TRUB1: variants seen among roughly 807,000 people sequenced by gnomAD.
The protein encoded by TRUB1 is pseudouridylate synthase TRUB1.
A neutral mutation model predicts 33.9 loss-of-function variants in TRUB1; 23 were observed. The observed-to-expected ratio is 0.68, with a 90% CI of 0.49 to 0.96. TRUB1 has a LOEUF of 0.96. Among genes scored for constraint, TRUB1 ranks in the 40% least tolerant of loss-of-function variants. The pLI, the probability that TRUB1 is intolerant of heterozygous loss-of-function variation, is 0.00. For missense variants in TRUB1, 378 were observed against 422.2 expected, an observed-to-expected ratio of 0.90 and a Z score of 0.92; for synonymous variants, 163 against 165.4, an observed-to-expected ratio of 0.99 and a Z score of 0.11.
In TRUB1 at chr10:114,967,761, T is replaced by C. The variant is rs143472075; in HGVS notation, c.524-2607T>C. ...TTTGGAAGTACAGTCTTTATACTTA[T>C]GTCATAAGAACGATTATTATTAATT... On this transcript the variant is annotated intron_variant, in intron 4 of 7. Coordinates refer to ENST00000298746, the MANE Select transcript of TRUB1 (RefSeq NM_139169.5). 9.8e-5 allele frequency among the ~76,000 whole-genome samples: 15 copies of C among 152,326 alleles called. No homozygotes were observed. The East Asian group carries it at 2.5e-3, about 25-fold the overall frequency.
chr10:114,967,103 C>T (rs1301777250), intron 4 of TRUB1, among the ~76,000 whole-genome samples: 8 of 152,280 alleles, frequency 5.3e-5, no homozygotes, highest in African/African-American at 1.9e-4. Context: ...TCAAGGGTGC[C>T]TTCATAGACA....
At chr10:114,941,994 C>T (rs2084189415) in intron 1 of TRUB1, among the ~76,000 whole-genome samples, 1 of 151,808 alleles carries the variant, frequency 6.6e-6, no homozygotes, top group African/African-American at 2.4e-5. Context: ...CCGTGTTAGC[C>T]AGGATGGTCT....
intron 4 of TRUB1, among the ~76,000 whole-genome samples, chr10:114,969,290 A>G (rs2084324437): frequency 1.3e-5 from 2 of 151,710 alleles, no homozygotes; most frequent in African/African-American, 4.8e-5. Context: ...AAAAGTAGGC[A>G]TGTGTGGTTG....
Position 114,972,135 on chromosome 10 carries a change from C to G in TRUB1, c.597C>G (p.Leu199=), listed in dbSNP as rs766478998. 4 of 1,612,754 alleles carry G rather than the reference C, an allele frequency of 2.5e-6. No individual in the cohort carries two copies. Residue 199 remains leucine, a splice_region_variant and synonymous_variant, in exon 6 of 8, where the codon CTC becomes CTG. Coordinates refer to ENST00000298746, the MANE Select transcript of TRUB1 (RefSeq NM_139169.5). The stretch of plus-strand genomic sequence containing the variant: ...ATTTCTCCTTCTCTCATCTCACAAG[C>G]TATTCTGCATTAAAGAAAGATGGAC... ...FTGNIMQVPP[L]YSALKKDGQR...
chr10:114,951,280 C>T, intron 3 of TRUB1, 131 bp downstream of exon 3: 1 of 573,838 alleles, frequency 1.7e-6, no homozygotes, highest in Non-Finnish European at 3.0e-6. Flanking sequence ...TTAATTATGT[C>T]TATAAACATA....
chr10:114,964,783 T>TA (rs375549668), intron 4 of TRUB1, among the ~76,000 whole-genome samples: 10,846 of 151,682 alleles, frequency 0.072, 680 homozygotes, highest in African/African-American at 0.17. Flanking sequence ...GGCTATTGTT[T>TA]AAAAAAAAAT....
At chr10:114,949,504 G>T (rs1194609630) in intron 2 of TRUB1, among the ~76,000 whole-genome samples, 1 of 152,162 alleles carries the variant, frequency 6.6e-6, no homozygotes, top group East Asian at 1.9e-4. Context: ...AATGAGTTGG[G>T]GCTTGAGCTG....
At chr10:114,952,786 T>G (rs2084242928) in intron 3 of TRUB1, among the ~76,000 whole-genome samples, 1 of 152,226 alleles carries the variant, frequency 6.6e-6, no homozygotes, top group Non-Finnish European at 1.5e-5. Context: ...ATTTTTATAC[T>G]GTGCTTACTG....
rs1412688229 is a variant in TRUB1 at position 114,975,992 on chromosome 10, T to A, written c.*613T>A. 2 of 152,572 alleles carry A rather than the reference T, an allele frequency of 1.3e-5. No individual in the cohort carries two copies. The highest frequency in any genetic ancestry group is 2.9e-5 in the Non-Finnish European group (2 of 68,010). The allele number at this position is 152,572 out of a possible 1,614,324, so 9.5% of individuals were successfully genotyped here. A position where few individuals can be genotyped will look rare whatever the true frequency, so the allele number is the denominator to read the frequency against. Reference sequence around the variant, plus strand: ...TGTAAATGAACCAAATTATTACTGCTACCACTAACAGGTTGTAAATAGAAG... The same window carrying A: ...TGTAAATGAACCAAATTATTACTGCAACCACTAACAGGTTGTAAATAGAAG... On this transcript the variant is annotated 3_prime_UTR_variant, in exon 8 of 8. Transcript: ENST00000298746.
At chr10:114,954,745 C>A (rs1310534205) in intron 3 of TRUB1, among the ~76,000 whole-genome samples, 1 of 151,866 alleles carries the variant, frequency 6.6e-6, no homozygotes, top group Non-Finnish European at 1.5e-5. Context: ...ATGGAAATTG[C>A]TCATTAAATA....
intron 3 of TRUB1, among the ~76,000 whole-genome samples, chr10:114,955,286 GGATAGCA>G (rs2084256892): frequency 6.6e-6 from 1 of 152,154 alleles, no homozygotes; most frequent in African/African-American, 2.4e-5. Context: ...AGCAAAAGCT[GGATAGCA>G]GATGTCGTAC....
intron 3 of TRUB1, among the ~76,000 whole-genome samples, chr10:114,956,758 G>A (rs1437355449): frequency 5.3e-5 from 8 of 152,100 alleles, no homozygotes; most frequent in Admixed American, 1.3e-4. Context: ...TTGCTCTGAT[G>A]GCTAATGGAA....
intron 3 of TRUB1, among the ~76,000 whole-genome samples, chr10:114,958,539 G>A (rs1484003464): frequency 6.6e-6 from 1 of 152,074 alleles, no homozygotes; most frequent in African/African-American, 2.4e-5. Flanking sequence ...TCATGAATAA[G>A]CTTATATTTC....
At chr10:114,952,348 G>A (rs1273188360) in intron 3 of TRUB1, among the ~76,000 whole-genome samples, 2 of 152,238 alleles carry the variant, frequency 1.3e-5, no homozygotes, top group Non-Finnish European at 2.9e-5. Context: ...GACTGAGGCA[G>A]GAGAATCACT....
chr10:114,969,627 T>G (rs972301535), intron 4 of TRUB1: 5 of 150,778 alleles, frequency 3.3e-5, no homozygotes, highest in Admixed American at 2.0e-4. Context: ...TCATATTTTC[T>G]AAAATCATTG....
At chr10:114,959,067 C>T (rs1340636384) in intron 3 of TRUB1, among the ~76,000 whole-genome samples, 2 of 152,096 alleles carry the variant, frequency 1.3e-5, no homozygotes, top group South Asian at 2.1e-4. Context: ...ACCCGGGGGA[C>T]GGAGGTTGCA....
intron 4 of TRUB1, among the ~76,000 whole-genome samples, chr10:114,965,556 T>C (rs1010655085): frequency 2.0e-5 from 3 of 152,190 alleles, no homozygotes; most frequent in Non-Finnish European, 4.4e-5. Context: ...GGCTTTGATA[T>C]CAAAGTTATG....
intron 4 of TRUB1, among the ~76,000 whole-genome samples, chr10:114,968,974 G>A (rs2084322787): frequency 1.3e-5 from 2 of 152,164 alleles, no homozygotes; most frequent in South Asian, 4.1e-4. Context: ...ACCATTGGCT[G>A]TGAACTAAAC....
intron 6 of TRUB1, 39 bp from the exon 7 acceptor site, chr10:114,974,290 G>C: frequency 6.6e-7 from 1 of 1,524,436 alleles, no homozygotes; most frequent in Non-Finnish European, 9.1e-7. Context: ...GGATTTCATA[G>C]GAGGTTAGCA....
Sources: allele counts gnomAD v4.1 joint callset (sites outside exome capture counted in the v4.1 genomes callset), GRCh38; gene constraint gnomAD v4.1.1; transcripts MANE v1.5; gene names NCBI Gene and HGNC (gene_info 2026-07-23, HGNC 2026-07-21).